The following TYW1 variants were observed in gnomAD, a reference collection of about 807,000 sequenced individuals.
The protein encoded by TYW1 is tRNA-yW synthesizing protein 1 homolog.
Under a neutral mutation model 96.2 loss-of-function variants are expected in TYW1, and 46 were observed. The ratio of observed to expected loss-of-function variants is 0.48; its 90% CI spans 0.38 to 0.61. The LOEUF (loss-of-function observed/expected upper bound fraction) is 0.61. TYW1 is among the 20% of genes least tolerant of loss of function. TYW1 has a pLI of 0.00. For missense variants in TYW1, 684 were observed against 909.6 expected (o/e 0.75, Z 3.19); for synonymous variants, 274 against 323.0 (o/e 0.85, Z 1.63).
chr7:67,188,087 G>A (rs1269187596), intron 14 of TYW1, among the ~76,000 whole-genome samples: 1 of 152,176 alleles, frequency 6.6e-6, no homozygotes, highest in African/African-American at 2.4e-5. Context: ...TTGGGAGGCC[G>A]AGTCAGGCAG....
intron 10 of TYW1, among the ~76,000 whole-genome samples, chr7:67,079,687 T>C (rs1352921790): frequency 6.6e-6 from 1 of 152,134 alleles, no homozygotes; most frequent in Non-Finnish European, 1.5e-5. Flanking sequence ...CATTGTTAGA[T>C]TGATATTTGA....
chr7:67,076,555 A>G (rs1382038703), intron 10 of TYW1, among the ~76,000 whole-genome samples: 1 of 152,002 alleles, frequency 6.6e-6, no homozygotes, highest in East Asian at 1.9e-4. Context: ...AGCTCACTGC[A>G]ATCTCTGCCT....
intron 13 of TYW1, among the ~76,000 whole-genome samples, chr7:67,158,327 T>A (rs1319857642): frequency 6.6e-6 from 1 of 152,106 alleles, no homozygotes; most frequent in African/African-American, 2.4e-5. Flanking sequence ...GACCTTGTGA[T>A]CTGCCCGCCT....
intron 4 of TYW1, among the ~76,000 whole-genome samples, chr7:67,011,029 C>T (rs1407392294): frequency 2.6e-5 from 4 of 152,072 alleles, no homozygotes; most frequent in Non-Finnish European, 5.9e-5. Context: ...TGTGTGACCT[C>T]AATGCATTAG....
chr7:67,211,064 C>T (rs1034353852), intron 15 of TYW1, among the ~76,000 whole-genome samples: 8 of 151,096 alleles, frequency 5.3e-5, no homozygotes, highest in African/African-American at 2.0e-4. Flanking sequence ...TACCTTATTT[C>T]TTTTGTTGCT....
At chr7:67,087,926 T>C (rs898817881) in intron 11 of TYW1, among the ~76,000 whole-genome samples, 76 of 152,206 alleles carry the variant, frequency 5.0e-4, no homozygotes, top group Admixed American at 9.8e-4. Flanking sequence ...TGCAGTGGCA[T>C]GATCTTGGCT....
At chr7:67,172,305 A>G (rs1220942916) in intron 13 of TYW1, among the ~76,000 whole-genome samples, 1 of 151,790 alleles carries the variant, frequency 6.6e-6, no homozygotes, top group African/African-American at 2.4e-5. Flanking sequence ...ATTAACGTTT[A>G]TATCATTTTA....
At chr7:67,038,622 G>T (rs1212214096) in intron 7 of TYW1, among the ~76,000 whole-genome samples, 5 of 151,410 alleles carry the variant, frequency 3.3e-5, no homozygotes, top group Admixed American at 3.3e-4. Flanking sequence ...ACAAACATGT[G>T]GCCAGGCATG....
intron 10 of TYW1, among the ~76,000 whole-genome samples, chr7:67,082,193 T>C: frequency 6.6e-6 from 1 of 152,258 alleles, no homozygotes; most frequent in African/African-American, 2.4e-5. Flanking sequence ...TGCTATTTCA[T>C]GTTTTTGTTT....
Position 67,032,885 on chromosome 7 carries a change from C to CTTTTTTTTTTTTT in TYW1, c.984+7880_984+7892dup, listed in dbSNP as rs778743156. ...ATTTTCCAGCAGCAGAGAAGTATAC[C>CTTTTTTTTTTTTT]TTTTTTTTTTTTTTTTTTTTTTTTT... On this transcript the variant is annotated intron_variant, in intron 7 of 15. Transcript: ENST00000359626. Among the ~76,000 whole-genome samples the CTTTTTTTTTTTTT allele has an allele frequency of 2.5e-4, 19 of 76,274 alleles. 1 individual carries two copies. Among genetic ancestry groups the CTTTTTTTTTTTTT allele is most frequent in the African/African-American group, 4.8e-4 (8 of 16,648 alleles). 50.0% of individuals were successfully genotyped at this position (76,274 alleles called of 152,430 possible).
chr7:67,228,406 C>G (rs1801634133), intron 15 of TYW1, among the ~76,000 whole-genome samples: 1 of 152,150 alleles, frequency 6.6e-6, no homozygotes, highest in Admixed American at 6.5e-5. Context: ...AAAGGCCCTC[C>G]TCCATGATTC....
At chr7:67,168,962 T>C (rs1234282409) in intron 13 of TYW1, among the ~76,000 whole-genome samples, 2 of 151,914 alleles carry the variant, frequency 1.3e-5, no homozygotes, top group East Asian at 3.9e-4. Flanking sequence ...TCCGCCCACC[T>C]CGGCCTCCCA....
At chr7:67,075,528 T>C (rs1584530321) in intron 10 of TYW1, among the ~76,000 whole-genome samples, 1 of 152,230 alleles carries the variant, frequency 6.6e-6, no homozygotes, top group East Asian at 1.9e-4. Context: ...TTCCAAGGAA[T>C]GTCATCTGTC....
chr7:67,051,530 C>T (rs76109957), intron 8 of TYW1, among the ~76,000 whole-genome samples: 6,083 of 152,106 alleles, frequency 0.04, 182 homozygotes, highest in Middle Eastern at 0.1. Flanking sequence ...AACAAAAATA[C>T]CTATTTTTAT....
At chr7:67,093,009 A>T (rs546997827) in intron 11 of TYW1, among the ~76,000 whole-genome samples, 16 of 151,560 alleles carry the variant, frequency 1.1e-4, no homozygotes, top group African/African-American at 2.9e-4. Flanking sequence ...CCAAAAATTT[A>T]AAAAAAAATT....
At chr7:67,022,878 A>G (rs2129245750) in intron 6 of TYW1, among the ~76,000 whole-genome samples, 1 of 152,316 alleles carries the variant, frequency 6.6e-6, no homozygotes, top group East Asian at 1.9e-4. Flanking sequence ...CCACTTCTGT[A>G]GTCTCAGGCT....
In TYW1 at chr7:67,143,614, C is replaced by T. The variant is rs1798516394; in HGVS notation, c.1698+25996C>T. On this transcript the variant is annotated intron_variant, in intron 13 of 15. Coordinates refer to ENST00000359626, the MANE Select transcript of TYW1 (RefSeq NM_018264.4). ...GGCTTGTGGAGCAGTTCAGTTCCACCAGAGTCCAAGAGCATGGGGTCAGAT... is the reference window on the plus strand; with the variant it reads ...GGCTTGTGGAGCAGTTCAGTTCCACTAGAGTCCAAGAGCATGGGGTCAGAT... 2.6e-5 allele frequency among the ~76,000 whole-genome samples: 4 copies of T among 152,096 alleles called. No individual in the cohort carries two copies. The South Asian group carries it at 8.3e-4, about 32-fold the overall frequency.
Position 67,213,071 on chromosome 7 carries a change from C to G in TYW1, c.1977+17734C>G, listed in dbSNP as rs559233952. Among the ~76,000 whole-genome samples, 3 of 152,130 alleles carry G rather than the reference C, an allele frequency of 2.0e-5. No homozygotes were observed. The East Asian group carries it at 5.8e-4, about 29-fold the overall frequency. On this transcript the variant is annotated intron_variant, in intron 15 of 15. Transcript: ENST00000359626. ...TATTTTTAGTAGAAACAGGGCTTCA[C>G]GATGTTAGCCAGGCTAGTCTCGAAC...
intron 12 of TYW1, among the ~76,000 whole-genome samples, chr7:67,113,469 T>G (rs903344171): frequency 1.3e-5 from 2 of 152,216 alleles, no homozygotes; most frequent in Admixed American, 6.5e-5. Context: ...GGATTTTTCA[T>G]TTATGGAATA....
Sources: allele counts gnomAD v4.1 joint callset (sites outside exome capture counted in the v4.1 genomes callset), GRCh38; gene constraint gnomAD v4.1.1; transcripts MANE v1.5; gene names NCBI Gene and HGNC (gene_info 2026-07-23, HGNC 2026-07-21).